The following RNF135 variants were observed in gnomAD, a reference collection of about 807,000 sequenced individuals.
RNF135 encodes E3 ubiquitin-protein ligase RNF135.
A neutral mutation model predicts 41.9 loss-of-function variants in RNF135; 46 were observed. The ratio of observed to expected loss-of-function variants is 1.10; its 90% confidence interval spans 0.87 to 1.40. RNF135 has a LOEUF of 1.40. Ranked by LOEUF, RNF135 falls within the 40% of genes most tolerant of loss-of-function variation. The pLI is 0.00. For synonymous variants in RNF135, 238 were observed against 223.8 expected (o/e 1.06, Z -0.57); for missense variants, 539 against 549.8 (o/e 0.98, Z 0.20).
the RNF135 span, among the ~76,000 whole-genome samples, chr17:30,964,289 T>G: frequency 1.4e-5 from 2 of 145,272 alleles, no homozygotes; most frequent in African/African-American, 5.3e-5. Flanking sequence ...CTTGGGAGGC[T>G]GAGGCAGGAG....
At position 30,998,854 on chromosome 17, in the gene RNF135, A is replaced by T; in HGVS notation, c.962A>T (p.Asn321Ile). 1 of 1,613,008 alleles carries T rather than the reference A, an allele frequency of 6.2e-7. No individual in the cohort carries two copies. Among genetic ancestry groups the T allele is most frequent in the Non-Finnish European group, 8.5e-7 (1 of 1,179,370 alleles). Reference protein sequence around the residue: ...GKHYWEVDTRNCSHWAVGVAS... With the variant: ...GKHYWEVDTRICSHWAVGVAS... ...CATTACTGGGAAGTGGACACTAGGA[A>T]TTGCAGCCACTGGGCAGTTGGGGTG... is the stretch of plus-strand genomic sequence containing the variant. Residue 321 changes from asparagine to isoleucine, a missense_variant, in exon 5 of 5, where the codon AAT (asparagine) becomes ATT (isoleucine). Around this residue, in one of 2 missense-constraint regions of RNF135, gnomAD observed 262 missense variants for 336.9 expected, o/e 0.78. Transcript: ENST00000328381.
At chr17:30,971,861 G>A (rs1258513292) in intron 1 of RNF135, 3 of 320,216 alleles carry the variant, frequency 9.4e-6, no homozygotes, top group Non-Finnish European at 1.4e-5. Context: ...GCGTGATCTC[G>A]GCTCACTGCA....
chr17:30,993,684 A>G (rs1473784978), intron 3 of RNF135, among the ~76,000 whole-genome samples: 1 of 152,182 alleles, frequency 6.6e-6, no homozygotes, highest in Non-Finnish European at 1.5e-5. Context: ...GAGATAAAAA[A>G]AGTATTAGGG....
At chr17:30,982,313 G>T (rs143266267) in intron 1 of RNF135, among the ~76,000 whole-genome samples, 95 of 152,334 alleles carry the variant, frequency 6.2e-4, no homozygotes, top group African/African-American at 2.3e-3. Flanking sequence ...TGGGTGATTT[G>T]ATTCCTCTCT....
At chr17:30,960,160 G>A in the RNF135 span, among the ~76,000 whole-genome samples, 1 of 151,960 alleles carries the variant, frequency 6.6e-6, no homozygotes, top group Non-Finnish European at 1.5e-5. Context: ...TTGGGAGGCC[G>A]AGGCAGGCAG....
chr17:30,983,353 A>ATATATATATATTTTT (rs1420453160), intron 1 of RNF135, among the ~76,000 whole-genome samples: 41 of 35,702 alleles, frequency 1.1e-3, no homozygotes, highest in Admixed American at 2.4e-3. Flanking sequence ...ATATATATAT[A>ATATATATATATTTTT]TTTTTTTTTT....
At chr17:30,984,904 G>A in intron 2 of RNF135, 144 bp downstream of exon 2, 1 of 1,016,172 alleles carries the variant, frequency 9.8e-7, no homozygotes, top group Non-Finnish European at 1.5e-6. Context: ...AGACATGGAT[G>A]ATTGGACATT....
chr17:30,967,686 A>G (rs932981574), upstream of RNF135, among the ~76,000 whole-genome samples: 1 of 152,040 alleles, frequency 6.6e-6, no homozygotes, highest in Admixed American at 6.6e-5. Flanking sequence ...TCAGAAAGAT[A>G]AAAGAATGAC....
chr17:30,971,633 A>C (rs1905961013), intron 1 of RNF135, 188 bp downstream of exon 1: 5 of 1,353,228 alleles, frequency 3.7e-6, no homozygotes, highest in Non-Finnish European at 4.7e-6. Context: ...AGTAGAAAAA[A>C]ACAAATTCCC....
chr17:30,994,702 C>T (rs1363456980), intron 3 of RNF135, among the ~76,000 whole-genome samples: 4 of 148,558 alleles, frequency 2.7e-5, no homozygotes, highest in East Asian at 2.1e-4. Context: ...GGCATGATCT[C>T]GGCTCACTGC....
intron 3 of RNF135, among the ~76,000 whole-genome samples, chr17:30,989,001 A>G (rs1907808027): frequency 7.5e-6 from 1 of 133,976 alleles, no homozygotes; most frequent in East Asian, 2.3e-4. Context: ...CCTGACTGCA[A>G]GGCTCACCTC....
intron 4 of RNF135, 57 bp from the exon 5 acceptor site, chr17:30,998,605 A>G (rs1908526265): frequency 1.9e-6 from 3 of 1,561,432 alleles, no homozygotes; most frequent in South Asian, 2.2e-5. Context: ...ACTTCTTAGC[A>G]TGGACCATCA....
At chr17:30,970,794 C>T (rs1161983493), upstream of RNF135, 4 of 534,844 alleles carry the variant, frequency 7.5e-6, no homozygotes, top group Non-Finnish European at 1.0e-5. Flanking sequence ...TAAAGGGAAT[C>T]TTGGAGACCT....
chr17:30,962,610 G>A, the RNF135 span, among the ~76,000 whole-genome samples: 17 of 151,916 alleles, frequency 1.1e-4, no homozygotes, highest in Admixed American at 7.2e-4. Flanking sequence ...GGACACAGGC[G>A]CCTGCTACCA....
At chr17:30,996,482 T>C (rs546618875) in intron 3 of RNF135, among the ~76,000 whole-genome samples, 1 of 152,228 alleles carries the variant, frequency 6.6e-6, no homozygotes. Flanking sequence ...CAGGGATTGC[T>C]TCAGTTCCGA....
the RNF135 span, among the ~76,000 whole-genome samples, chr17:30,962,082 C>T: frequency 6.6e-6 from 1 of 152,054 alleles, no homozygotes; most frequent in Admixed American, 6.6e-5. Context: ...GCCCATTCTG[C>T]ACTTAATTTT....
chr17:30,984,697 C>A lies in RNF135; in HGVS notation c.453C>A (p.Ser151Arg), dbSNP rs758180538. 5 of 1,614,128 alleles carry A rather than the reference C, an allele frequency of 3.1e-6. No homozygotes were observed. In the South Asian group the frequency reaches 5.5e-5, roughly 18 times the overall value. The change falls in exon 2 of 5, where the codon AGC (serine) becomes AGA (arginine). Residue 151 changes from serine to arginine, a missense_variant. Ser to Arg is a moderately radical substitution (Grantham distance 110). Coordinates refer to ENST00000328381, the MANE Select transcript of RNF135 (RefSeq NM_032322.4). Reference sequence around the variant, plus strand: ...AACATCTTGTAGACATTGTCAGAAGCCTGCAGAATCAGAGGCCCCTATCAG... The same window carrying A: ...AACATCTTGTAGACATTGTCAGAAGACTGCAGAATCAGAGGCCCCTATCAG... ...LVEHLVDIVR[S>R]LQNQRPLSES...
At chr17:30,975,730 C>T (rs1281315557) in intron 1 of RNF135, 5 of 1,375,318 alleles carry the variant, frequency 3.6e-6, no homozygotes. Flanking sequence ...ACACTGCTCA[C>T]CTGATTGGCC....
upstream of RNF135, among the ~76,000 whole-genome samples, chr17:30,969,519 A>G (rs149078372): frequency 5.2e-3 from 799 of 152,268 alleles, 10 homozygotes; most frequent in African/African-American, 0.018. Flanking sequence ...TTTCATCTCC[A>G]TAATTGGGGC....
Sources: gnomAD v4.1 joint callset for allele counts (sites outside exome capture counted in the v4.1 genomes callset) on GRCh38, gnomAD v4.1.1 for gene constraint, gnomAD v4.1.1 regional missense constraint, MANE v1.5 for transcripts, NCBI Gene and HGNC (gene_info 2026-07-23, HGNC 2026-07-21) for gene names.